C7: variants seen among roughly 807,000 people sequenced by gnomAD.
C7 encodes complement component C7.
In C7, 83 loss-of-function variants were observed where a neutral mutation model predicts 104.8. The observed-to-expected ratio is 0.79, with a 90% CI of 0.66 to 0.95. The LOEUF (loss-of-function observed/expected upper bound fraction) is 0.95. Ranked by LOEUF, C7 falls within the 40% of genes least tolerant of loss-of-function variation. C7 has a pLI of 0.00. For missense variants in C7, 1,070 were observed against 1,011.2 expected, an observed-to-expected ratio of 1.06 and a Z score of -0.79; for synonymous variants, 415 against 360.6, an observed-to-expected ratio of 1.15 and a Z score of -1.71.
chr5:40,961,382 A>G (rs1579866074), intron 12 of C7, among the ~76,000 whole-genome samples: 2 of 144,738 alleles, frequency 1.4e-5, no homozygotes, highest in East Asian at 4.1e-4. Flanking sequence ...AACTCTAATT[A>G]CCTTCTTCTT....
intron 13 of C7, chr5:40,964,334 T>C (rs1338789069): frequency 1.8e-5 from 3 of 168,572 alleles, no homozygotes; most frequent in Non-Finnish European, 1.2e-5. Context: ...TGAGACACCA[T>C]GCCCGGCCTG....
intron 11 of C7, among the ~76,000 whole-genome samples, chr5:40,958,908 A>C (rs1740360527): frequency 6.6e-6 from 1 of 152,220 alleles, no homozygotes; most frequent in Non-Finnish European, 1.5e-5. Flanking sequence ...GATTCATAGA[A>C]GTCACTAAAT....
intron 14 of C7, among the ~76,000 whole-genome samples, chr5:40,967,167 G>A (rs761847991): frequency 2.6e-5 from 4 of 151,318 alleles, no homozygotes; most frequent in Non-Finnish European, 5.9e-5. Flanking sequence ...CTGGGTTCAA[G>A]CGATTCTCCT....
chr5:40,973,063 A>G (rs1561259823), intron 15 of C7, among the ~76,000 whole-genome samples: 1 of 152,192 alleles, frequency 6.6e-6, no homozygotes, highest in Non-Finnish European at 1.5e-5. Context: ...ATTTTCATTT[A>G]ACACTTTAAA....
At chr5:40,919,313 CG>C (rs1739392452) in intron 1 of C7, among the ~76,000 whole-genome samples, 1 of 151,910 alleles carries the variant, frequency 6.6e-6, no homozygotes, top group Non-Finnish European at 1.5e-5. Context: ...TTAGTAGAGA[CG>C]GGGTTTCACC....
At position 40,981,431 on chromosome 5, in the gene C7, G is replaced by T. The variant is rs1740941453; in HGVS notation, c.2390G>T (p.Cys797Phe). Residue 797 changes from cysteine to phenylalanine, a missense_variant, in exon 18 of 18, where the codon TGC becomes TTC. By Grantham distance (205) the Cys-to-Phe change is radical. Coordinates refer to ENST00000313164, the MANE Select transcript of C7 (RefSeq NM_000587.4). ...SKCVCREASE[C>F]EEEGFSICVE... ...TGTGTCTGCCGAGAAGCATCGGAGT[G>T]CGAGGAAGAAGGGTTTAGCATTTGT... 1 of 1,613,328 alleles carries T rather than the reference G, an allele frequency of 6.2e-7. No homozygotes were observed.
chr5:40,949,060 A>T (rs1393323075), intron 8 of C7, among the ~76,000 whole-genome samples: 1 of 152,108 alleles, frequency 6.6e-6, no homozygotes, highest in Non-Finnish European at 1.5e-5. Flanking sequence ...TTAATCCAGC[A>T]AGTAGTTTGG....
chr5:40,922,667 C>T (rs1739465585), intron 1 of C7, among the ~76,000 whole-genome samples: 1 of 142,190 alleles, frequency 7.0e-6, no homozygotes, highest in South Asian at 2.2e-4. Context: ...CACTACTGCA[C>T]TCCAGCCTGG....
rs553253748 is a variant in C7 at position 40,983,178 on chromosome 5, T to C, written c.*1605T>C. On this transcript the variant is annotated 3_prime_UTR_variant, in exon 18 of 18. Coordinates refer to ENST00000313164, the MANE Select transcript of C7 (RefSeq NM_000587.4). ...TAGCGGTTATTACAGAGTTAATTTC[T>C]ACCCTGGATGGGAGGACACATTTGA... Among the ~76,000 whole-genome samples, 6 of 152,342 alleles carry C rather than the reference T, an allele frequency of 3.9e-5. No individual in the cohort carries two copies. In the South Asian group the frequency reaches 1.2e-3, roughly 32 times the overall value.
intron 6 of C7, among the ~76,000 whole-genome samples, chr5:40,942,737 A>G (rs866950141): frequency 6.6e-6 from 1 of 151,752 alleles, no homozygotes; most frequent in Middle Eastern, 3.5e-3. Context: ...TAGTGGCACC[A>G]ATCCGTACAG....
chr5:40,940,117 G>A (rs1440626147), intron 6 of C7, among the ~76,000 whole-genome samples: 4 of 152,182 alleles, frequency 2.6e-5, no homozygotes, highest in Non-Finnish European at 5.9e-5. Flanking sequence ...CGGGCCCACT[G>A]GGTATTCAGC....
rs780374968 is a variant in C7, at chr5:40,959,564, C to T, written c.1605C>T (p.Cys535=). 1.7e-5 allele frequency: 27 copies of T among 1,609,314 alleles called. No individual in the cohort carries two copies. The highest frequency in any genetic ancestry group is 2.0e-4 in the Middle Eastern group (1 of 4,934). Residue 535 remains cysteine (C), a synonymous_variant, in exon 12 of 18, where the codon TGC becomes TGT. Transcript: ENST00000313164. ...CTCCCAGTGGGGGTGGGAGATCCTGCGTTGGAGAAACGACAGAAAGCACAC... is the reference window on the plus strand; with the variant it reads ...CTCCCAGTGGGGGTGGGAGATCCTGTGTTGGAGAAACGACAGAAAGCACAC... ...NPPPSGGGRS[C]VGETTESTQC...
At chr5:40,930,920 A>T in intron 2 of C7, 144 bp from the exon 3 acceptor site, 1 of 661,900 alleles carries the variant, frequency 1.5e-6, no homozygotes, top group Admixed American at 2.8e-5. Flanking sequence ...CTCCATTTTT[A>T]TATATTTTAG....
chr5:40,952,417 G>C (rs1428551622), intron 9 of C7, among the ~76,000 whole-genome samples: 1 of 152,092 alleles, frequency 6.6e-6, no homozygotes, highest in Non-Finnish European at 1.5e-5. Flanking sequence ...GAGCTCACTG[G>C]GGTATGGAAA....
At chr5:40,951,560 A>G (rs1579859270) in intron 9 of C7, among the ~76,000 whole-genome samples, 1 of 152,200 alleles carries the variant, frequency 6.6e-6, no homozygotes, top group South Asian at 2.1e-4. Flanking sequence ...TCCAAAGCTC[A>G]GTATCACATA....
intron 1 of C7, among the ~76,000 whole-genome samples, chr5:40,922,050 A>ACAAG (rs1739448850): frequency 6.6e-6 from 1 of 150,482 alleles, no homozygotes; most frequent in Admixed American, 6.7e-5. Flanking sequence ...AAACAAACAA[A>ACAAG]CAAACAAACA....
At chr5:40,915,304 C>A (rs1243934167) in intron 1 of C7, among the ~76,000 whole-genome samples, 1 of 152,126 alleles carries the variant, frequency 6.6e-6, no homozygotes, top group African/African-American at 2.4e-5. Flanking sequence ...AGGAAAGAGG[C>A]AGCTTGGGGA....
At chr5:40,973,679 A>G (rs1174402539) in intron 15 of C7, among the ~76,000 whole-genome samples, 1 of 152,250 alleles carries the variant, frequency 6.6e-6, no homozygotes, top group African/African-American at 2.4e-5. Context: ...TAAACACTGA[A>G]GTATAAACAT....
chr5:40,965,640 A>ATT (rs1389505199), intron 14 of C7, among the ~76,000 whole-genome samples: 3 of 58,026 alleles, frequency 5.2e-5, no homozygotes, highest in Admixed American at 3.2e-4. Context: ...ATATATATAT[A>ATT]TATATATATT....
Sources: gnomAD v4.1 joint callset for allele counts (sites outside exome capture counted in the v4.1 genomes callset) on GRCh38, gnomAD v4.1.1 for gene constraint, MANE v1.5 for transcripts, NCBI Gene and HGNC (gene_info 2026-07-23, HGNC 2026-07-21) for gene names.